The following SGK1 variants were observed in gnomAD, a reference collection of about 807,000 sequenced individuals.
SGK1 encodes the protein serum/glucocorticoid regulated kinase 1.
Under a neutral mutation model 64.2 loss-of-function variants are expected in SGK1, and 26 were observed. That is an observed-to-expected ratio of 0.40 (90% CI 0.30 to 0.56). The LOEUF is 0.56. SGK1 is among the 20% of genes least tolerant of loss of function. SGK1 has a pLI of 0.38. For synonymous variants in SGK1, 265 were observed against 239.7 expected (o/e 1.11, Z -0.98); for missense variants, 519 against 645.6 (o/e 0.80, Z 2.12).
At chr6:134,189,830 G>A (rs922082601) in intron 3 of SGK1, among the ~76,000 whole-genome samples, 2 of 131,942 alleles carry the variant, frequency 1.5e-5, no homozygotes, top group African/African-American at 2.5e-5. Flanking sequence ...CACATTGTAA[G>A]TACTGTTTTT....
intron 2 of SGK1, among the ~76,000 whole-genome samples, chr6:134,233,195 A>G (rs1776316396): frequency 6.6e-6 from 1 of 152,184 alleles, no homozygotes. Context: ...TGTGCATTTG[A>G]GCCCGCTTTC....
At chr6:134,257,403 C>CA (rs1013668011) in intron 2 of SGK1, among the ~76,000 whole-genome samples, 5 of 152,072 alleles carry the variant, frequency 3.3e-5, no homozygotes, top group African/African-American at 1.2e-4. Context: ...AACTTCATCT[C>CA]AAAAAAACCC....
chr6:134,255,233 T>C (rs1776664409), intron 2 of SGK1, among the ~76,000 whole-genome samples: 1 of 152,224 alleles, frequency 6.6e-6, no homozygotes, highest in Admixed American at 6.5e-5. Flanking sequence ...TAATTAATAA[T>C]GCTCTACAAG....
At chr6:134,238,254 C>T (rs1016430944) in intron 2 of SGK1, among the ~76,000 whole-genome samples, 3 of 152,134 alleles carry the variant, frequency 2.0e-5, no homozygotes, top group Admixed American at 1.3e-4. Context: ...GAAAAGTGAC[C>T]ATAAGGTCGT....
At chr6:134,258,707 AAAAAT>A (rs1280761627) in intron 2 of SGK1, among the ~76,000 whole-genome samples, 2 of 152,240 alleles carry the variant, frequency 1.3e-5, no homozygotes, top group Non-Finnish European at 1.5e-5. Context: ...ACTCCATCTC[AAAAAT>A]AAAATAAAAT....
chr6:134,219,169 TTTTTA>T (rs1367885764), intron 2 of SGK1, among the ~76,000 whole-genome samples: 1 of 151,824 alleles, frequency 6.6e-6, no homozygotes, highest in South Asian at 2.1e-4. Flanking sequence ...CTGTTCTGGT[TTTTTA>T]TTTTGTTTTG....
At chr6:134,184,447 G>A (rs1336147716) in intron 3 of SGK1, among the ~76,000 whole-genome samples, 2 of 143,518 alleles carry the variant, frequency 1.4e-5, no homozygotes, top group Middle Eastern at 3.6e-3. Context: ...AGAGGCCGCA[G>A]TGAGCCGAGA....
At chr6:134,255,834 C>T (rs1776675070) in intron 2 of SGK1, among the ~76,000 whole-genome samples, 1 of 152,018 alleles carries the variant, frequency 6.6e-6, no homozygotes, top group South Asian at 2.1e-4. Context: ...ATCTGCCCTC[C>T]TCGACCTCCA....
intron 9 of SGK1, 139 bp from the exon 10 acceptor site, chr6:134,172,455 G>C: frequency 1.1e-6 from 1 of 888,932 alleles, no homozygotes; most frequent in Non-Finnish European, 1.7e-6. Flanking sequence ...GGGAGCCCTT[G>C]TTCTGCTCAT....
chr6:134,306,714 G>A (rs1354595954), intron 1 of SGK1, among the ~76,000 whole-genome samples: 1 of 151,820 alleles, frequency 6.6e-6, no homozygotes, highest in East Asian at 1.9e-4. Flanking sequence ...TTGTAGAGAT[G>A]GGGTTTTGCC....
At chr6:134,253,375 G>A (rs911709996) in intron 2 of SGK1, among the ~76,000 whole-genome samples, 9 of 151,082 alleles carry the variant, frequency 6.0e-5, no homozygotes, top group Non-Finnish European at 7.4e-5. Context: ...TCAAGCTATC[G>A]TCTCGCCTCT....
chr6:134,179,538 GTT>G (rs1214257543), intron 3 of SGK1, among the ~76,000 whole-genome samples: 2 of 139,434 alleles, frequency 1.4e-5, no homozygotes, highest in Non-Finnish European at 3.0e-5. Flanking sequence ...TGACAAATGA[GTT>G]TATTCATTAT....
intron 3 of SGK1, among the ~76,000 whole-genome samples, chr6:134,206,360 TATATATATATATATATATATATA>T (rs1203190553): frequency 0.013 from 96 of 7,340 alleles, 5 homozygotes; most frequent in African/African-American, 0.033. Context: ...TATATATATA[TATATATATATATATATATATATA>T]TTTTTTTTTT....
At chr6:134,316,892 G>C (rs989638833) in intron 1 of SGK1, among the ~76,000 whole-genome samples, 8 of 151,828 alleles carry the variant, frequency 5.3e-5, no homozygotes, top group African/African-American at 1.9e-4. Context: ...ACCACAGATA[G>C]AGACACAGCA....
intron 1 of SGK1, among the ~76,000 whole-genome samples, chr6:134,277,356 C>A (rs118022426): frequency 0.025 from 3,832 of 151,982 alleles, 68 homozygotes; most frequent in African/African-American, 0.05. Flanking sequence ...AAAAACCGAA[C>A]CAACAAAAAA....
intron 2 of SGK1, among the ~76,000 whole-genome samples, chr6:134,257,992 C>T (rs1168388184): frequency 6.6e-6 from 1 of 152,204 alleles, no homozygotes; most frequent in Non-Finnish European, 1.5e-5. Flanking sequence ...CTGCATCTCA[C>T]AGCCTCTCCA....
At chr6:134,252,359 G>A (rs1381059100) in intron 2 of SGK1, among the ~76,000 whole-genome samples, 1 of 152,128 alleles carries the variant, frequency 6.6e-6, no homozygotes, top group African/African-American at 2.4e-5. Flanking sequence ...CACAATGTGC[G>A]CGTTGCACAG....
At position 134,170,315 on chromosome 6, in the gene SGK1, C is replaced by G. The variant is rs764021613; in HGVS notation, c.1534G>C (p.Ala512Pro). The G allele has an allele frequency of 6.2e-6, 10 of 1,614,000 alleles. No individual in the cohort carries two copies. The highest frequency in any genetic ancestry group is 1.7e-6 in the Non-Finnish European group (2 of 1,179,916). Residue 512 changes from alanine (A) to proline (P), a missense_variant, in exon 14 of 14, where the codon GCT becomes CCT. Around this residue, in one of 2 missense-constraint regions of SGK1, gnomAD observed 278 missense variants for 408.7 expected, o/e 0.68. Coordinates refer to ENST00000367858, the MANE Select transcript of SGK1 (RefSeq NM_001143676.3). ...GGCGCATAGGAAAAGCCTAGGAAAG[C>G]CTCGGCAGCTTCCTTGACGCTGGCT... ...VTASVKEAAE[A>P]FLGFSYAPPT...
intron 2 of SGK1, among the ~76,000 whole-genome samples, chr6:134,216,287 T>G (rs774846103): frequency 4.2e-4 from 64 of 152,180 alleles, no homozygotes; most frequent in Non-Finnish European, 2.2e-4. Flanking sequence ...AAAGAAATTC[T>G]CAAAATGCTT....
Sources: allele counts gnomAD v4.1 joint callset (sites outside exome capture counted in the v4.1 genomes callset), GRCh38; gene constraint gnomAD v4.1.1; regional missense constraint gnomAD v4.1.1; transcripts MANE v1.5; gene names NCBI Gene and HGNC (gene_info 2026-07-23, HGNC 2026-07-21).